NRG3: variants seen among roughly 807,000 people sequenced by gnomAD.
The protein encoded by NRG3 is pro-neuregulin-3, membrane-bound isoform.
NRG3 carries 31 observed loss-of-function variants against 66.9 expected under a neutral mutation model. That is an observed-to-expected ratio of 0.46 (90% CI 0.35 to 0.63). NRG3 has a LOEUF of 0.63. Ranked by LOEUF, NRG3 falls within the 20% of genes least tolerant of loss-of-function variation. The pLI is 0.00. For missense variants in NRG3, 910 were observed against 878.9 expected (o/e 1.04, Z -0.45); for synonymous variants, 393 against 359.4 (o/e 1.09, Z -1.06).
At chr10:82,416,960 C>T (rs2088628672) in intron 2 of NRG3, among the ~76,000 whole-genome samples, 1 of 152,088 alleles carries the variant, frequency 6.6e-6, no homozygotes, top group African/African-American at 2.4e-5. Context: ...ACACAGCCCT[C>T]ATAATGGTGC....
intron 2 of NRG3, among the ~76,000 whole-genome samples, chr10:82,482,992 C>G (rs536525651): frequency 1.3e-5 from 2 of 152,124 alleles, no homozygotes; most frequent in Non-Finnish European, 1.5e-5. Context: ...TACAATCTTG[C>G]AAGGATGCAA....
In NRG3 at chr10:82,436,495, T is replaced by C. The variant is rs891822934; in HGVS notation, c.953+77627T>C. ...GGTCTTGACTCCTTATCCAATTTGC[T>C]GGTCTGTGTCTTTTAAGTTTTGGCA... On this transcript the variant is annotated intron_variant, in intron 2 of 8. Coordinates refer to ENST00000372141, the MANE Select transcript of NRG3 (RefSeq NM_001010848.4). Among the ~76,000 whole-genome samples the C allele has an allele frequency of 2.6e-5, 4 of 152,310 alleles. No individual in the cohort carries two copies. The East Asian group carries it at 7.7e-4, about 29-fold the overall frequency.
At chr10:82,771,352 A>G (rs1395362743) in intron 3 of NRG3, among the ~76,000 whole-genome samples, 1 of 152,212 alleles carries the variant, frequency 6.6e-6, no homozygotes, top group Non-Finnish European at 1.5e-5. Flanking sequence ...TTAAAAGAAG[A>G]CATAAAATAA....
intron 1 of NRG3, among the ~76,000 whole-genome samples, chr10:82,260,839 G>A (rs2077987849): frequency 6.6e-6 from 1 of 152,300 alleles, no homozygotes; most frequent in East Asian, 1.9e-4. Context: ...GCCTTCATGT[G>A]GTAAAGGAGT....
chr10:82,779,234 G>A (rs369807938), intron 3 of NRG3, among the ~76,000 whole-genome samples: 2 of 152,140 alleles, frequency 1.3e-5, no homozygotes, highest in South Asian at 4.1e-4. Flanking sequence ...CAGTAACAAA[G>A]ATTATAGGTA....
intron 4 of NRG3, among the ~76,000 whole-genome samples, chr10:82,868,345 A>G (rs146593329): frequency 6.6e-6 from 1 of 152,340 alleles, no homozygotes; most frequent in Non-Finnish European, 1.5e-5. Flanking sequence ...TAGTTCATCT[A>G]CATGAACCAC....
At chr10:82,849,425 A>G (rs2063461721) in intron 3 of NRG3, among the ~76,000 whole-genome samples, 1 of 152,190 alleles carries the variant, frequency 6.6e-6, no homozygotes. Context: ...GAAGCCCTAG[A>G]TAACTAACAC....
intron 2 of NRG3, among the ~76,000 whole-genome samples, chr10:82,527,918 A>T (rs1590500602): frequency 7.9e-6 from 1 of 126,438 alleles, no homozygotes; most frequent in Non-Finnish European, 1.6e-5. Context: ...TTTGGACTAG[A>T]TAATGCTTTG....
intron 4 of NRG3, among the ~76,000 whole-genome samples, chr10:82,924,733 G>C (rs1372452468): frequency 6.6e-6 from 1 of 152,156 alleles, no homozygotes; most frequent in Non-Finnish European, 1.5e-5. Context: ...AGCTTGGAAG[G>C]TAGGAGTAAG....
intron 2 of NRG3, among the ~76,000 whole-genome samples, chr10:82,574,146 A>G (rs1406048347): frequency 2.6e-5 from 4 of 151,830 alleles, no homozygotes; most frequent in Non-Finnish European, 5.9e-5. Flanking sequence ...GTGTCCATCA[A>G]TGGATGAATG....
At chr10:82,231,920 C>G (rs1207764300) in intron 1 of NRG3, among the ~76,000 whole-genome samples, 1 of 152,180 alleles carries the variant, frequency 6.6e-6, no homozygotes, top group Non-Finnish European at 1.5e-5. Flanking sequence ...TAAAAAATAT[C>G]TTTAAGAAAC....
intron 1 of NRG3, among the ~76,000 whole-genome samples, chr10:82,353,122 G>A (rs868665819): frequency 1.3e-5 from 2 of 152,144 alleles, no homozygotes; most frequent in East Asian, 1.9e-4. Context: ...GATCAGTGGT[G>A]TCACATTAAC....
intron 2 of NRG3, among the ~76,000 whole-genome samples, chr10:82,649,970 T>A (rs2133881015): frequency 6.6e-6 from 1 of 152,286 alleles, no homozygotes; most frequent in African/African-American, 2.4e-5. Flanking sequence ...ACTATCTTTG[T>A]ACCAGATTAC....
intron 2 of NRG3, among the ~76,000 whole-genome samples, chr10:82,461,677 G>T (rs938389533): frequency 1.3e-5 from 2 of 152,076 alleles, no homozygotes; most frequent in African/African-American, 4.8e-5. Flanking sequence ...AAAACAAGGA[G>T]AACTTTTACT....
intron 1 of NRG3, among the ~76,000 whole-genome samples, chr10:82,020,446 G>T (rs1016917170): frequency 6.6e-6 from 1 of 152,030 alleles, no homozygotes; most frequent in African/African-American, 2.4e-5. Flanking sequence ...ACATTCTAGG[G>T]ATAGAATAGG....
intron 1 of NRG3, among the ~76,000 whole-genome samples, chr10:82,288,573 C>T (rs2079550712): frequency 6.6e-6 from 1 of 152,120 alleles, no homozygotes; most frequent in Admixed American, 6.6e-5. Flanking sequence ...TGAGTGCCTA[C>T]CACATGCCAG....
chr10:82,048,961 A>G (rs542607733), intron 1 of NRG3, among the ~76,000 whole-genome samples: 4 of 152,300 alleles, frequency 2.6e-5, no homozygotes, highest in African/African-American at 9.6e-5. Flanking sequence ...AACAGAGAAT[A>G]CTACAAACAA....
intron 1 of NRG3, among the ~76,000 whole-genome samples, chr10:81,918,459 G>A (rs1323115635): frequency 6.6e-6 from 1 of 152,056 alleles, no homozygotes; most frequent in Non-Finnish European, 1.5e-5. Flanking sequence ...TCCATCATCT[G>A]CTTTTTATCA....
intron 1 of NRG3, among the ~76,000 whole-genome samples, chr10:82,350,896 CTTT>C (rs34056865): frequency 1.4e-5 from 2 of 144,356 alleles, no homozygotes; most frequent in African/African-American, 2.5e-5. Context: ...GTTAACTCTT[CTTT>C]TTTTTTTTTT....
Sources: allele counts gnomAD v4.1 joint callset (sites outside exome capture counted in the v4.1 genomes callset), GRCh38; gene constraint gnomAD v4.1.1; transcripts MANE v1.5; gene names NCBI Gene and HGNC (gene_info 2026-07-23, HGNC 2026-07-21).